The following AUTS2 variants were observed in gnomAD, a reference collection of about 807,000 sequenced individuals.
The protein encoded by AUTS2 is autism susceptibility gene 2 protein.
In AUTS2, 17 loss-of-function variants were observed where a neutral mutation model predicts 112.4. That is an observed-to-expected ratio of 0.15 (90% CI 0.10 to 0.23). AUTS2 has a LOEUF of 0.23. AUTS2 is among the 10% of genes least tolerant of loss of function. AUTS2 has a pLI of 1.00. For missense variants in AUTS2, 1,510 were observed against 1,701.6 expected, an observed-to-expected ratio of 0.89 and a Z score of 1.98; for synonymous variants, 751 against 702.7, an observed-to-expected ratio of 1.07 and a Z score of -1.09.
chr7:70,090,437 C>T (rs1224651265), intron 2 of AUTS2, among the ~76,000 whole-genome samples: 1 of 151,964 alleles, frequency 6.6e-6, no homozygotes, highest in Non-Finnish European at 1.5e-5. Flanking sequence ...AATCTCAGCT[C>T]ACTGCAATCT....
At chr7:69,728,116 C>T (rs1786606785) in intron 1 of AUTS2, among the ~76,000 whole-genome samples, 1 of 152,178 alleles carries the variant, frequency 6.6e-6, no homozygotes, top group Middle Eastern at 3.4e-3. Context: ...GGCCCCTACA[C>T]GAAAGAAATT....
chr7:70,607,545 G>T (rs946712669), intron 5 of AUTS2, among the ~76,000 whole-genome samples: 5 of 152,184 alleles, frequency 3.3e-5, no homozygotes, highest in African/African-American at 1.2e-4. Context: ...GATAGAGATG[G>T]TGGATGCTGG....
intron 2 of AUTS2, among the ~76,000 whole-genome samples, chr7:69,989,034 A>G (rs901946295): frequency 2.6e-5 from 4 of 152,186 alleles, no homozygotes; most frequent in Non-Finnish European, 5.9e-5. Context: ...GAGCAGGACA[A>G]CTTTGCTGGT....
At chr7:70,419,803 A>G (rs555215517) in intron 4 of AUTS2, among the ~76,000 whole-genome samples, 2 of 152,154 alleles carry the variant, frequency 1.3e-5, no homozygotes, top group South Asian at 4.1e-4. Context: ...GTTTTTTTCT[A>G]ATTTGATTGA....
intron 5 of AUTS2, among the ~76,000 whole-genome samples, chr7:70,540,552 G>C (rs1156384560): frequency 6.6e-6 from 1 of 152,158 alleles, no homozygotes; most frequent in East Asian, 1.9e-4. Context: ...CTTGGTGCAG[G>C]AGCAGTCAAG....
At chr7:70,695,124 G>T (rs1014214466) in intron 5 of AUTS2, 3 of 152,360 alleles carry the variant, frequency 2.0e-5, no homozygotes, top group Non-Finnish European at 4.4e-5. Flanking sequence ...GGGGTCTTTT[G>T]TTGCGGCGGC....
chr7:70,120,749 A>G (rs1805639789), intron 3 of AUTS2, among the ~76,000 whole-genome samples: 1 of 152,232 alleles, frequency 6.6e-6, no homozygotes, highest in Non-Finnish European at 1.5e-5. Flanking sequence ...ATAGAAAGAC[A>G]GTATTATTAA....
intron 6 of AUTS2, among the ~76,000 whole-genome samples, chr7:70,751,600 A>G (rs191965612): frequency 7.3e-4 from 111 of 152,294 alleles, no homozygotes; most frequent in African/African-American, 2.6e-3. Context: ...CTTTACTCAG[A>G]GTAGGCGTGC....
At chr7:69,719,455 C>T (rs1310629399) in intron 1 of AUTS2, among the ~76,000 whole-genome samples, 1 of 152,120 alleles carries the variant, frequency 6.6e-6, no homozygotes, top group Non-Finnish European at 1.5e-5. Context: ...ACAGAAAAAG[C>T]TGGTAAGGTC....
At chr7:69,928,388 C>T (rs1435669102) in intron 2 of AUTS2, among the ~76,000 whole-genome samples, 1 of 152,204 alleles carries the variant, frequency 6.6e-6, no homozygotes, top group Non-Finnish European at 1.5e-5. Context: ...TGCGGACCCA[C>T]CCTTTCCTGC....
intron 1 of AUTS2, among the ~76,000 whole-genome samples, chr7:69,617,365 T>C (rs1486633015): frequency 6.6e-6 from 1 of 152,130 alleles, no homozygotes; most frequent in Non-Finnish European, 1.5e-5. Flanking sequence ...GAGGAGGTGA[T>C]ATTTGAGCAG....
chr7:70,491,886 A>G (rs1020614699), intron 5 of AUTS2, among the ~76,000 whole-genome samples: 1 of 152,024 alleles, frequency 6.6e-6, no homozygotes, highest in Non-Finnish European at 1.5e-5. Flanking sequence ...GAGTGCTGGG[A>G]TTACAAGTGT....
chr7:70,605,314 A>G (rs1563071072), intron 5 of AUTS2, among the ~76,000 whole-genome samples: 2 of 152,152 alleles, frequency 1.3e-5, no homozygotes, highest in Admixed American at 6.5e-5. Context: ...CTGCTAAATG[A>G]GACGAATTGA....
chr7:70,107,841 G>A (rs994371232), intron 2 of AUTS2, among the ~76,000 whole-genome samples: 5 of 150,634 alleles, frequency 3.3e-5, no homozygotes, highest in South Asian at 2.1e-4. Flanking sequence ...GTGAAACCCC[G>A]TCTCTACTAA....
intron 14 of AUTS2, among the ~76,000 whole-genome samples, chr7:70,780,354 T>C (rs1790988864): frequency 6.6e-6 from 1 of 151,818 alleles, no homozygotes; most frequent in African/African-American, 2.4e-5. Flanking sequence ...AAGATTAGCC[T>C]GAGGATAGAT....
At chr7:69,805,512 A>G (rs1027321378) in intron 1 of AUTS2, among the ~76,000 whole-genome samples, 5 of 152,214 alleles carry the variant, frequency 3.3e-5, no homozygotes, top group African/African-American at 1.2e-4. Flanking sequence ...TGGTACAGGA[A>G]TAGAATGTGA....
At chr7:70,485,677 ACTCATATGTGTGTTTC>A (rs1302493644) in intron 5 of AUTS2, among the ~76,000 whole-genome samples, 1 of 151,548 alleles carries the variant, frequency 6.6e-6, no homozygotes, top group African/African-American at 2.4e-5. Flanking sequence ...GTTTCACGAG[ACTCATATGTGTGTTTC>A]CTCAAAACCA....
chr7:70,702,771 C>T (rs533802106), intron 6 of AUTS2, among the ~76,000 whole-genome samples: 5 of 152,270 alleles, frequency 3.3e-5, no homozygotes, highest in African/African-American at 9.6e-5. Flanking sequence ...GAGCACCAGA[C>T]GCAACGCTCT....
At chr7:70,518,207 T>C (rs1426947061) in intron 5 of AUTS2, among the ~76,000 whole-genome samples, 1 of 152,194 alleles carries the variant, frequency 6.6e-6, no homozygotes, top group Non-Finnish European at 1.5e-5. Context: ...AAAATTATTT[T>C]TTACAATATG....
Sources: allele counts gnomAD v4.1 joint callset (sites outside exome capture counted in the v4.1 genomes callset), GRCh38; gene constraint gnomAD v4.1.1; transcripts MANE v1.5; gene names NCBI Gene and HGNC (gene_info 2026-07-23, HGNC 2026-07-21).